The following PTPRD variants were observed in gnomAD, a reference collection of about 807,000 sequenced individuals.
PTPRD encodes protein tyrosine phosphatase receptor type D.
A neutral mutation model predicts 214.5 loss-of-function variants in PTPRD; 34 were observed. The ratio of observed to expected loss-of-function variants is 0.16; its 90% CI spans 0.12 to 0.21. PTPRD has a LOEUF of 0.21. PTPRD is among the 10% of genes least tolerant of loss of function. The pLI, the probability that PTPRD is intolerant of heterozygous loss-of-function variation, is 1.00. For missense variants in PTPRD, 2,545 were observed against 2,398.7 expected (o/e 1.06, Z -1.27); for synonymous variants, 1,128 against 845.7 (o/e 1.33, Z -5.79).
chr9:9,822,938 C>T (rs754936837), intron 5 of PTPRD, among the ~76,000 whole-genome samples: 3 of 152,058 alleles, frequency 2.0e-5, no homozygotes, highest in African/African-American at 7.2e-5. Context: ...AATAGTACTA[C>T]CATTTATTCC....
intron 11 of PTPRD, among the ~76,000 whole-genome samples, chr9:8,839,875 G>C (rs1367042232): frequency 6.6e-6 from 1 of 152,132 alleles, no homozygotes; most frequent in Non-Finnish European, 1.5e-5. Flanking sequence ...GATGAGGCAA[G>C]GTTGTAAAAA....
At chr9:8,526,155 A>T (rs1398548422) in intron 17 of PTPRD, among the ~76,000 whole-genome samples, 1 of 151,114 alleles carries the variant, frequency 6.6e-6, no homozygotes, top group Non-Finnish European at 1.5e-5. Flanking sequence ...TGTCTTCTGC[A>T]TGTCTGCCAC....
intron 7 of PTPRD, among the ~76,000 whole-genome samples, chr9:9,586,270 A>G (rs919698371): frequency 2.0e-5 from 3 of 152,018 alleles, no homozygotes; most frequent in Non-Finnish European, 4.4e-5. Flanking sequence ...TTGGTTCTTG[A>G]GATCAGATTG....
intron 2 of PTPRD, among the ~76,000 whole-genome samples, chr9:10,491,461 C>T (rs1243334309): frequency 6.6e-5 from 10 of 151,778 alleles, no homozygotes; most frequent in East Asian, 1.9e-4. Flanking sequence ...TAAAGAATCA[C>T]GAAGTAAATA....
chr9:9,364,637 G>T (rs3904501), intron 9 of PTPRD, among the ~76,000 whole-genome samples: 50,845 of 150,974 alleles, frequency 0.34, 9,356 homozygotes, highest in African/African-American at 0.49. Flanking sequence ...AAAGAAAGAG[G>T]AAAGTTATGG....
chr9:9,616,005 T>A (rs1564077054), intron 7 of PTPRD, among the ~76,000 whole-genome samples: 1 of 152,156 alleles, frequency 6.6e-6, no homozygotes. Flanking sequence ...TTTTAAAGGT[T>A]TATTATCCAA....
intron 11 of PTPRD, among the ~76,000 whole-genome samples, chr9:8,812,784 G>C (rs1474968591): frequency 6.6e-6 from 1 of 151,460 alleles, no homozygotes; most frequent in Non-Finnish European, 1.5e-5. Context: ...AGACAGTAAT[G>C]ATCTTGGACT....
intron 3 of PTPRD, among the ~76,000 whole-genome samples, chr9:10,059,445 T>C (rs1478623576): frequency 6.6e-6 from 1 of 152,112 alleles, no homozygotes; most frequent in Non-Finnish European, 1.5e-5. Flanking sequence ...ACTAACCATT[T>C]CTTACAGTAA....
chr9:10,564,519 G>C (rs1172549969), intron 2 of PTPRD, among the ~76,000 whole-genome samples: 1 of 151,906 alleles, frequency 6.6e-6, no homozygotes. Flanking sequence ...TATTAGCTGG[G>C]CTAAAGTGAT....
At chr9:9,882,428 G>A (rs910960427) in intron 5 of PTPRD, among the ~76,000 whole-genome samples, 1 of 152,076 alleles carries the variant, frequency 6.6e-6, no homozygotes, top group Admixed American at 6.6e-5. Context: ...GGTTTCTTCT[G>A]CTGAGAAATA....
chr9:9,185,349 T>G (rs1029206407), intron 9 of PTPRD, among the ~76,000 whole-genome samples: 1 of 152,002 alleles, frequency 6.6e-6, no homozygotes, highest in Non-Finnish European at 1.5e-5. Flanking sequence ...CTTCTCTCCC[T>G]TTCCCCTAGA....
At position 8,449,847 on chromosome 9, in the gene PTPRD, GA is replaced by G; in HGVS notation, c.3876-11del. The G allele has an allele frequency of 6.2e-7, 1 of 1,608,958 alleles. No individual in the cohort carries two copies. The highest frequency in any genetic ancestry group is 8.5e-7 in the Non-Finnish European group (1 of 1,176,562). ...GGACTCTGCCCTCTTCCTATAGGGG[GA>G]AAATAGAAATTTAAGAAGAAAAGAA... is the stretch of plus-strand genomic sequence containing the variant. On this transcript the variant is annotated splice_polypyrimidine_tract_variant and intron_variant, in intron 33 of 45. Transcript: ENST00000381196.
intron 6 of PTPRD, among the ~76,000 whole-genome samples, chr9:9,735,152 A>G (rs548640499): frequency 5.9e-5 from 9 of 152,274 alleles, no homozygotes; most frequent in East Asian, 5.8e-4. Flanking sequence ...ATGAAAGGCA[A>G]TATCTGAACA....
intron 8 of PTPRD, among the ~76,000 whole-genome samples, chr9:9,551,526 C>A (rs147884158): frequency 1.3e-5 from 2 of 151,936 alleles, no homozygotes; most frequent in African/African-American, 4.8e-5. Context: ...TATCTACCTA[C>A]TGGAGTTCTG....
intron 8 of PTPRD, among the ~76,000 whole-genome samples, chr9:9,476,433 G>A (rs1458182467): frequency 6.6e-6 from 1 of 152,170 alleles, no homozygotes; most frequent in Non-Finnish European, 1.5e-5. Context: ...AACAGATTTT[G>A]TAAGGACAAT....
intron 7 of PTPRD, among the ~76,000 whole-genome samples, chr9:9,674,291 G>A (rs1195495602): frequency 6.6e-6 from 1 of 151,690 alleles, no homozygotes; most frequent in Non-Finnish European, 1.5e-5. Flanking sequence ...ACTTTGCAAT[G>A]TATATTTCCA....
intron 6 of PTPRD, among the ~76,000 whole-genome samples, chr9:9,752,817 G>C (rs535920959): frequency 2.0e-5 from 3 of 152,112 alleles, no homozygotes; most frequent in Non-Finnish European, 2.9e-5. Flanking sequence ...TCTAGGACAA[G>C]TCATTAAAGC....
At chr9:9,080,844 T>C (rs947722613) in intron 10 of PTPRD, among the ~76,000 whole-genome samples, 4 of 152,154 alleles carry the variant, frequency 2.6e-5, no homozygotes, top group Admixed American at 6.6e-5. Context: ...AGTGGTGATA[T>C]CCCCTTTATC....
chr9:9,472,736 G>A lies in PTPRD; in HGVS notation c.-236-75254C>T, dbSNP rs1475003677. Among the ~76,000 whole-genome samples the A allele has an allele frequency of 7.2e-5, 11 of 152,238 alleles. No individual in the cohort carries two copies. The East Asian group carries it at 1.9e-3, about 27-fold the overall frequency. On this transcript the variant is annotated intron_variant, in intron 8 of 45. Coordinates refer to ENST00000381196, the MANE Select transcript of PTPRD (RefSeq NM_002839.4). ...AACAACTCAATTTTAATCTATTAGA[G>A]TTTTGCTTTTTAAGTTCCCTTAATC...
Sources: allele counts gnomAD v4.1 joint callset (sites outside exome capture counted in the v4.1 genomes callset), GRCh38; gene constraint gnomAD v4.1.1; transcripts MANE v1.5; gene names NCBI Gene and HGNC (gene_info 2026-07-23, HGNC 2026-07-21).